The following DPP6 variants were observed in gnomAD, a reference collection of about 807,000 sequenced individuals.
The protein encoded by DPP6 is dipeptidyl peptidase like 6, also known as A-type potassium channel modulatory protein DPP6.
DPP6 carries 69 observed loss-of-function variants against 122.6 expected under a neutral mutation model. The observed-to-expected ratio is 0.56, with a 90% CI of 0.46 to 0.69. DPP6 has a LOEUF of 0.69. Ranked by LOEUF, DPP6 falls within the 30% of genes least tolerant of loss-of-function variation. DPP6 has a pLI of 0.00. For missense variants in DPP6, 928 were observed against 1,116.9 expected (o/e 0.83, Z 2.41); for synonymous variants, 418 against 433.1 (o/e 0.97, Z 0.43).
intron 7 of DPP6, among the ~76,000 whole-genome samples, chr7:154,687,757 C>T (rs1013641930): frequency 1.7e-4 from 26 of 152,162 alleles, no homozygotes; most frequent in African/African-American, 6.3e-4. Flanking sequence ...ATTGTCCCTA[C>T]CCCAAGGACA....
At chr7:154,363,757 CAT>C (rs1485527849) in intron 1 of DPP6, among the ~76,000 whole-genome samples, 1 of 152,212 alleles carries the variant, frequency 6.6e-6, no homozygotes, top group African/African-American at 2.4e-5. Flanking sequence ...CTTTAGCTAA[CAT>C]GTGCTCTTAT....
intron 1 of DPP6, among the ~76,000 whole-genome samples, chr7:154,222,254 A>G (rs1004399810): frequency 1.6e-4 from 24 of 152,228 alleles, no homozygotes; most frequent in African/African-American, 5.8e-4. Context: ...CTCAAGTCCC[A>G]CCGCCTCTGT....
chr7:154,863,379 G>A lies in DPP6; in HGVS notation c.1715-4616G>A, dbSNP rs1170718432. Among the ~76,000 whole-genome samples, 4 of 144,546 alleles carry A rather than the reference G, an allele frequency of 2.8e-5. No homozygotes were observed. Among genetic ancestry groups the A allele is most frequent in the Non-Finnish European group, 4.5e-5 (3 of 66,816 alleles). 94.8% of individuals were successfully genotyped at this position (144,546 alleles called of 152,430 possible). A position where few individuals can be genotyped will look rare whatever the true frequency, so the allele number is the denominator to read the frequency against. ...TTTTTTGAGATGGGGGTCTTGCTCT[G>A]TCACCTAGGCTCAAGGGGAGTGGTG... On this transcript the variant is annotated intron_variant, in intron 17 of 25. Transcript: ENST00000377770. The surrounding 1 kb of genome is among the most constrained non-coding windows in gnomAD (Gnocchi z 4.1).
chr7:154,335,422 G>GT (rs1333612881), intron 1 of DPP6, among the ~76,000 whole-genome samples: 1 of 152,212 alleles, frequency 6.6e-6, no homozygotes, highest in Non-Finnish European at 1.5e-5. Flanking sequence ...CTTATGGGTT[G>GT]TATAAATGAC....
chr7:153,969,155 T>A (rs1039529548), intron 1 of DPP6, among the ~76,000 whole-genome samples: 3 of 151,312 alleles, frequency 2.0e-5, no homozygotes, highest in Non-Finnish European at 2.9e-5. Context: ...ACTCCATGTT[T>A]AACCTGATGA....
At chr7:153,960,742 TGTGATTTCTCCAG>T (rs1795314773) in intron 1 of DPP6, among the ~76,000 whole-genome samples, 1 of 150,062 alleles carries the variant, frequency 6.7e-6, no homozygotes, top group South Asian at 2.1e-4. Context: ...CATATTTGTG[TGTGATTTCTCCAG>T]GTGCCCTCAT....
intron 1 of DPP6, among the ~76,000 whole-genome samples, chr7:153,945,491 C>G (rs561912120): frequency 2.5e-4 from 38 of 152,150 alleles, no homozygotes; most frequent in African/African-American, 8.7e-4. Flanking sequence ...AAATGGATGA[C>G]TTGTGAGACT....
At chr7:153,979,461 T>G (rs949873520) in intron 1 of DPP6, among the ~76,000 whole-genome samples, 8 of 152,242 alleles carry the variant, frequency 5.3e-5, no homozygotes, top group Non-Finnish European at 1.2e-4. Context: ...GGCAATGGGA[T>G]TTTCTAAATA....
At chr7:154,182,771 C>A (rs1488791233) in intron 1 of DPP6, among the ~76,000 whole-genome samples, 1 of 152,094 alleles carries the variant, frequency 6.6e-6, no homozygotes, top group African/African-American at 2.4e-5. Flanking sequence ...ATCCTGCTTC[C>A]TCATCAAGAG....
chr7:154,696,331 A>G (rs915597659), intron 7 of DPP6, among the ~76,000 whole-genome samples: 5 of 152,184 alleles, frequency 3.3e-5, no homozygotes, highest in Non-Finnish European at 5.9e-5. Flanking sequence ...AGGAAAGGTT[A>G]CACGGGACCC....
chr7:154,427,734 G>A (rs572821466), intron 1 of DPP6, among the ~76,000 whole-genome samples: 1 of 152,298 alleles, frequency 6.6e-6, no homozygotes, highest in African/African-American at 2.4e-5. Context: ...AGCTGTTCAT[G>A]GAAGGAAGCC....
At chr7:154,853,740 C>A (rs530663694) in intron 16 of DPP6, 40 bp from the exon 17 acceptor site, 3 of 1,604,640 alleles carry the variant, frequency 1.9e-6, no homozygotes, top group Non-Finnish European at 2.5e-6. Flanking sequence ...CTAATGGCTT[C>A]GTTTTTGTTT....
chr7:153,822,189 T>TC, the DPP6 span, among the ~76,000 whole-genome samples: 1 of 44,262 alleles, frequency 2.3e-5, no homozygotes, highest in East Asian at 9.1e-4. Flanking sequence ...ATCTTTTTTT[T>TC]TTTTTTTTTT....
chr7:154,414,922 A>G (rs561796821), intron 1 of DPP6, among the ~76,000 whole-genome samples: 1 of 152,316 alleles, frequency 6.6e-6, no homozygotes, highest in South Asian at 2.1e-4. Context: ...TGTCACTTCC[A>G]GTATGTTCTG....
intron 1 of DPP6, among the ~76,000 whole-genome samples, chr7:153,905,494 C>T (rs770726855): frequency 4.6e-5 from 7 of 151,916 alleles, no homozygotes; most frequent in African/African-American, 9.7e-5. Context: ...TGTTTCGAAG[C>T]GAATGACTCA....
At chr7:153,910,733 A>G (rs1468850715) in intron 1 of DPP6, among the ~76,000 whole-genome samples, 1 of 152,126 alleles carries the variant, frequency 6.6e-6, no homozygotes, top group Non-Finnish European at 1.5e-5. Flanking sequence ...ACCTTGGTGC[A>G]CAGAACCATT....
At chr7:154,073,999 CTATGTATG>C (rs541968723) in intron 1 of DPP6, among the ~76,000 whole-genome samples, 3,901 of 148,480 alleles carry the variant, frequency 0.026, 18 homozygotes, top group African/African-American at 0.092. Context: ...AAATATATAT[CTATGTATG>C]TATGTATGTA....
chr7:154,853,987 G>A (rs1423282533), intron 17 of DPP6, among the ~76,000 whole-genome samples, 160 bp downstream of exon 17: 5 of 152,116 alleles, frequency 3.3e-5, no homozygotes, highest in South Asian at 4.1e-4. Context: ...CAATATCAAC[G>A]AAATATGATG....
chr7:154,438,147 A>G (rs889134707), intron 1 of DPP6, among the ~76,000 whole-genome samples: 2 of 152,012 alleles, frequency 1.3e-5, no homozygotes, highest in African/African-American at 2.4e-5. Flanking sequence ...ACCCACTCAA[A>G]TTAGTTTAAG....
Sources: gnomAD v4.1 joint callset for allele counts (sites outside exome capture counted in the v4.1 genomes callset) on GRCh38, gnomAD v4.1.1 for gene constraint, Gnocchi (gnomAD v3.1) non-coding constraint, MANE v1.5 for transcripts, NCBI Gene and HGNC (gene_info 2026-07-23, HGNC 2026-07-21) for gene names.